Variants in COPG1 observed in about 807,000 individuals in gnomAD.
The protein encoded by COPG1 is coat protein complex I subunit gamma 1.
Under a neutral mutation model 102.8 loss-of-function variants are expected in COPG1, and 29 were observed. That is an observed-to-expected ratio of 0.28 (90% CI 0.21 to 0.38). The LOEUF (loss-of-function observed/expected upper bound fraction) is 0.38. Among genes scored for constraint, COPG1 ranks in the 10% least tolerant of loss-of-function variants. COPG1 has a pLI of 1.00. For synonymous variants in COPG1, 406 were observed against 421.6 expected, an observed-to-expected ratio of 0.96 and a Z score of 0.45; for missense variants, 875 against 1,132.7, an observed-to-expected ratio of 0.77 and a Z score of 3.27.
chr3:129,261,747 A>G (rs901290042), intron 12 of COPG1, among the ~76,000 whole-genome samples: 1 of 152,142 alleles, frequency 6.6e-6, no homozygotes, highest in Admixed American at 6.5e-5. Flanking sequence ...GTGTGTATAT[A>G]TGTGAAGTTC....
At chr3:129,265,449 C>T (rs1560066102) in intron 13 of COPG1, 100 bp from the exon 14 acceptor site, 2 of 1,468,450 alleles carry the variant, frequency 1.4e-6, no homozygotes, top group South Asian at 1.3e-5. Flanking sequence ...TGCCCTGTCT[C>T]CAAGTTCTGT....
At chr3:129,270,166 T>C (rs376998330) in intron 18 of COPG1, among the ~76,000 whole-genome samples, 36 of 151,746 alleles carry the variant, frequency 2.4e-4, no homozygotes, top group African/African-American at 8.2e-4. Context: ...TAATCACATC[T>C]ACAAAGTCCC....
At chr3:129,276,250 T>G (rs1038375332) in intron 23 of COPG1, among the ~76,000 whole-genome samples, 68 of 152,374 alleles carry the variant, frequency 4.5e-4, no homozygotes, top group African/African-American at 1.6e-3. Context: ...TCTTCTTAAA[T>G]GTTGAGGCAT....
At chr3:129,274,037 C>A (rs1294461130) in intron 21 of COPG1, 2 of 456,102 alleles carry the variant, frequency 4.4e-6, no homozygotes, top group South Asian at 3.1e-5. Context: ...TGGAATACAA[C>A]TGACATTCGC....
At chr3:129,250,529 T>A (rs930682937) in intron 1 of COPG1, among the ~76,000 whole-genome samples, 153 bp from the exon 2 acceptor site, 1 of 152,140 alleles carries the variant, frequency 6.6e-6, no homozygotes, top group Non-Finnish European at 1.5e-5. Context: ...ACTAGTAGGA[T>A]CCCTAGACAG....
chr3:129,268,160 A>G, intron 16 of COPG1, 120 bp downstream of exon 16: 1 of 822,710 alleles, frequency 1.2e-6, no homozygotes, highest in South Asian at 1.6e-5. Context: ...TGGCAACCTC[A>G]TGGCATCATG....
chr3:129,268,772 G>C, intron 17 of COPG1, 152 bp downstream of exon 17: 2 of 1,141,488 alleles, frequency 1.8e-6, no homozygotes, highest in Non-Finnish European at 2.6e-6. Context: ...AGAAAATAGA[G>C]ACACACATAC....
intron 10 of COPG1, among the ~76,000 whole-genome samples, chr3:129,258,187 C>T (rs966484314): frequency 6.6e-6 from 1 of 152,194 alleles, no homozygotes; most frequent in Non-Finnish European, 1.5e-5. Flanking sequence ...TGGGGCTGCA[C>T]TTTTCCAGGT....
Position 129,268,563 on chromosome 3 carries a change from C to T in COPG1, c.1717C>T (p.Pro573Ser). The change falls in exon 17 of 24, where the codon CCT becomes TCT. Residue 573 changes from proline (P) to serine (S), a missense_variant. Pro to Ser is a moderately conservative substitution (Grantham distance 74). Transcript: ENST00000314797. Reference sequence around the variant, plus strand: ...GTACACTCTAGAACCATCAGAAAAACCTTTTGACCTCAAGTCTGTGCCCCT... The same window carrying T: ...GTACACTCTAGAACCATCAGAAAAATCTTTTGACCTCAAGTCTGTGCCCCT... Reference protein sequence around the residue: ...QQYTLEPSEKPFDLKSVPLAT... With the variant: ...QQYTLEPSEKSFDLKSVPLAT... The T allele has an allele frequency of 6.2e-7, 1 of 1,614,202 alleles. No homozygotes were observed. The highest frequency in any genetic ancestry group is 1.3e-5 in the African/African-American group (1 of 75,056).
chr3:129,267,263 G>A, intron 15 of COPG1, 164 bp downstream of exon 15: 1 of 532,870 alleles, frequency 1.9e-6, no homozygotes. Context: ...AAACAATGCT[G>A]TGCAAATTGC....
At position 129,277,323 on chromosome 3, in the gene COPG1, G is replaced by T. The variant is rs1940294269; in HGVS notation, c.2524G>T (p.Val842Leu). ...GVFRGGHDIL[V>L]RSRLLLLDTV... ...GTTCCGGGGTGGTCATGACATCCTG[G>T]TGCGCTCCCGGCTGCTGCTTTTGGA... Residue 842 changes from valine (V) to leucine (L), a missense_variant, in exon 24 of 24, where the codon GTG (valine) becomes TTG (leucine). Physicochemically the swap from Val to Leu is conservative, Grantham distance 32. Transcript: ENST00000314797. 1 of 1,613,924 alleles carries T rather than the reference G, an allele frequency of 6.2e-7. No individual in the cohort carries two copies. The highest frequency in any genetic ancestry group is 2.2e-5 in the East Asian group (1 of 44,878).
chr3:129,252,027 T>C (rs1177713734), intron 2 of COPG1, among the ~76,000 whole-genome samples: 3 of 152,238 alleles, frequency 2.0e-5, no homozygotes, highest in Non-Finnish European at 4.4e-5. Flanking sequence ...CTGTTTCCAG[T>C]TAGCAGATGG....
At chr3:129,262,409 T>G (rs1205241985) in intron 12 of COPG1, among the ~76,000 whole-genome samples, 1 of 151,870 alleles carries the variant, frequency 6.6e-6, no homozygotes, top group Non-Finnish European at 1.5e-5. Context: ...CCCGCCACCA[T>G]GCCCAGCTAA....
At chr3:129,273,303 C>T (rs1267156072) in intron 21 of COPG1, among the ~76,000 whole-genome samples, 1 of 152,204 alleles carries the variant, frequency 6.6e-6, no homozygotes, top group Non-Finnish European at 1.5e-5. Context: ...GGATTACAGG[C>T]GTGAGCCACC....
chr3:129,265,561 T>C lies in COPG1; in HGVS notation c.1237T>C (p.Tyr413His), dbSNP rs770295270. 6.2e-7 allele frequency: 1 copy of C among 1,614,160 alleles called. No individual in the cohort carries two copies. Among genetic ancestry groups the C allele is most frequent in the Non-Finnish European group, 8.5e-7 (1 of 1,180,020 alleles). Residue 413 changes from tyrosine to histidine, a missense_variant, in exon 14 of 24, where the codon TAT becomes CAT. Transcript: ENST00000314797. ...CTTCTCTCTGCAGGGTGGCTTTGAG[T>C]ATAAGCGCGCTATCGTGGACTGCAT... ...TMLREEGGFE[Y>H]KRAIVDCIIS... is the part of the protein sequence containing the mutation.
rs1184959601 is a variant in COPG1, at chr3:129,277,583, G to A, written c.*159G>A. On this transcript the variant is annotated 3_prime_UTR_variant, in exon 24 of 24. Transcript: ENST00000314797. ...TTTATTCTGCTCCCACCTCCCACCC[G>A]GGACTACTTGCTGGTGACTTTTTTT... 3.1e-6 allele frequency: 2 copies of A among 637,062 alleles called. No individual in the cohort carries two copies. Among genetic ancestry groups the A allele is most frequent in the Non-Finnish European group, 5.1e-6 (2 of 395,632 alleles). 39.5% of individuals were successfully genotyped at this position (637,062 alleles called of 1,614,324 possible). A position where few individuals can be genotyped will look rare whatever the true frequency, so the allele number is the denominator to read the frequency against.
chr3:129,271,959 T>G lies in COPG1; in HGVS notation c.1986+50T>G, dbSNP rs774449008. 1.9e-6 allele frequency: 3 copies of G among 1,598,386 alleles called. No homozygotes were observed. The African/African-American group carries it at 4.0e-5, about 21-fold the overall frequency. On this transcript the variant is annotated intron_variant, in intron 19 of 23. Transcript: ENST00000314797. This position sits in a 1 kb window ranked among gnomAD's most constrained non-coding sequence, Gnocchi z 4.7. ...GCTGGGGCATGCGCCCAGGGAGTTGTCCCAGGTCTGGCAGGTCCTGTAGGG... is the reference window on the plus strand; with the variant it reads ...GCTGGGGCATGCGCCCAGGGAGTTGGCCCAGGTCTGGCAGGTCCTGTAGGG...
chr3:129,251,986 C>T, intron 2 of COPG1, among the ~76,000 whole-genome samples: 1 of 152,326 alleles, frequency 6.6e-6, no homozygotes, highest in East Asian at 1.9e-4. Context: ...CGTCCAGCCG[C>T]TTCTTTCTTT....
At chr3:129,265,521 C>T in intron 13 of COPG1, 28 bp from the exon 14 acceptor site, 2 of 1,612,178 alleles carry the variant, frequency 1.2e-6, no homozygotes, top group Non-Finnish European at 8.5e-7. Flanking sequence ...AGAGCAGGCT[C>T]CTTGCTTAGC....
Sources: allele counts gnomAD v4.1 joint callset (sites outside exome capture counted in the v4.1 genomes callset), GRCh38; gene constraint gnomAD v4.1.1; non-coding constraint Gnocchi (gnomAD v3.1); transcripts MANE v1.5; gene names NCBI Gene and HGNC (gene_info 2026-07-23, HGNC 2026-07-21).